Variants in RALGAPA1 observed in about 807,000 individuals in gnomAD.
The protein encoded by RALGAPA1 is Ral GTPase activating protein catalytic subunit alpha 1, also known as ral GTPase-activating protein subunit alpha-1.
In RALGAPA1, 52 loss-of-function variants were observed where a neutral mutation model predicts 269.6. The observed-to-expected ratio is 0.19, with a 90% confidence interval of 0.15 to 0.24. The LOEUF (loss-of-function observed/expected upper bound fraction) is 0.24. Ranked by LOEUF, RALGAPA1 falls within the 10% of genes least tolerant of loss-of-function variation. RALGAPA1 has a pLI of 1.00. For synonymous variants in RALGAPA1, 817 were observed against 1,008.3 expected, an observed-to-expected ratio of 0.81 and a Z score of 3.60; for missense variants, 1,917 against 3,013.9, an observed-to-expected ratio of 0.64 and a Z score of 8.52.
intron 16 of RALGAPA1, among the ~76,000 whole-genome samples, chr14:35,714,112 T>C (rs933921558): frequency 1.3e-5 from 2 of 150,174 alleles, no homozygotes; most frequent in Non-Finnish European, 3.0e-5. Flanking sequence ...AAAAAAAAAA[T>C]TGATGAGAGC....
At chr14:35,610,053 A>T (rs1239661215) in intron 35 of RALGAPA1, among the ~76,000 whole-genome samples, 1 of 151,932 alleles carries the variant, frequency 6.6e-6, no homozygotes, top group Non-Finnish European at 1.5e-5. Context: ...TAGAGAAAAA[A>T]ATCAATGAAC....
chr14:35,784,175 T>C (rs2075646693), intron 1 of RALGAPA1, among the ~76,000 whole-genome samples: 1 of 152,000 alleles, frequency 6.6e-6, no homozygotes, highest in Non-Finnish European at 1.5e-5. Context: ...ACACAAATGT[T>C]TATAATGTTA....
rs752688782 is a variant in RALGAPA1, at chr14:35,549,133, T to C, written c.7598A>G (p.Tyr2533Cys). The change falls in exon 40 of 42, where the codon TAC becomes TGC. Residue 2533 changes from tyrosine to cysteine, a missense_variant. Physicochemically the swap from Tyr to Cys is radical, Grantham distance 194. Around this residue, in one of 11 missense-constraint regions of RALGAPA1, gnomAD observed 91 missense variants for 130.9 expected, o/e 0.70. Transcript: ENST00000680220. ...FAAQVFSPAP[Y>C]HHLPSDADH Reference sequence around the variant, plus strand: ...ACCGGCATCAGATGGTAAATGGTGGTAGGGAGCTGGAGAAAAAACCTGTGC... The same window carrying C: ...ACCGGCATCAGATGGTAAATGGTGGCAGGGAGCTGGAGAAAAAACCTGTGC... 6 of 1,611,670 alleles carry C rather than the reference T, an allele frequency of 3.7e-6. No homozygotes were observed. The highest frequency in any genetic ancestry group is 2.1e-4 in the Middle Eastern group (1 of 4,778).
At chr14:35,748,869 T>C (rs762941958) in intron 9 of RALGAPA1, 45 bp from the exon 10 acceptor site, 2 of 1,529,444 alleles carry the variant, frequency 1.3e-6, no homozygotes, top group Admixed American at 2.2e-5. Flanking sequence ...AATATCATAA[T>C]CATTTAACTA....
intron 37 of RALGAPA1, among the ~76,000 whole-genome samples, chr14:35,577,292 G>A (rs1039845472): frequency 5.9e-5 from 9 of 152,026 alleles, no homozygotes; most frequent in African/African-American, 1.9e-4. Flanking sequence ...AATTCATATT[G>A]TGAAATCCTA....
Position 35,651,864 on chromosome 14 carries a change from C to A in RALGAPA1, c.5617G>T (p.Ala1873Ser), listed in dbSNP as rs934211001. ...SPLKIIQILI[A>S]TITHLLPSTE... ...CTTGGTAAAAGATGGGTGATGGTAG[C>A]TATTAGGATCTGTAAGCAAAAAAAA... The change falls in exon 31 of 42, where the codon GCT becomes TCT. Residue 1873 changes from alanine (A) to serine (S), a missense_variant. This residue lies in a region of RALGAPA1 where 346 missense variants were observed against 566.1 expected (regional missense o/e 0.61). Transcript: ENST00000680220. 4.4e-6 allele frequency: 7 copies of A among 1,578,910 alleles called. No individual in the cohort carries two copies. Among genetic ancestry groups the A allele is most frequent in the Middle Eastern group, 1.7e-4 (1 of 5,976 alleles).
chr14:35,715,902 G>A (rs2068776327), intron 16 of RALGAPA1: 1 of 985,126 alleles, frequency 1.0e-6, no homozygotes, highest in Non-Finnish European at 1.2e-6. Flanking sequence ...GTTTTATTTT[G>A]GTCAAGGAAA....
chr14:35,614,080 G>A (rs180999918), intron 35 of RALGAPA1, among the ~76,000 whole-genome samples: 3 of 152,194 alleles, frequency 2.0e-5, no homozygotes, highest in Admixed American at 1.3e-4. Context: ...TGACAATAAC[G>A]AGTGTAGGCT....
intron 35 of RALGAPA1, among the ~76,000 whole-genome samples, chr14:35,620,569 A>C (rs2060551515): frequency 6.6e-6 from 1 of 152,154 alleles, no homozygotes; most frequent in South Asian, 2.1e-4. Flanking sequence ...AGGAAGTCAA[A>C]TTGTTCCTAT....
rs183363399 is a variant in RALGAPA1 at position 35,579,154 on chromosome 14, A to G, written c.7210-6436T>C. 2.4e-3 allele frequency among the ~76,000 whole-genome samples: 363 copies of G among 152,294 alleles called. 5 individuals are homozygous for G. Among genetic ancestry groups the G allele is most frequent in the Non-Finnish European group, 1.9e-3 (129 of 68,020 alleles). On this transcript the variant is annotated intron_variant, in intron 37 of 41. Transcript: ENST00000680220. ...GATAATGTGGAGAAAAAACATTTCA[A>G]ACTGAGAGAGTAGTAAGTGTACACA...
intron 33 of RALGAPA1, among the ~76,000 whole-genome samples, chr14:35,633,560 G>A (rs146530905): frequency 5.9e-5 from 9 of 152,192 alleles, no homozygotes; most frequent in Non-Finnish European, 1.3e-4. Flanking sequence ...TGTGAGCCAC[G>A]CAATCTCTAC....
chr14:35,669,945 A>C (rs1185005490), intron 26 of RALGAPA1, among the ~76,000 whole-genome samples: 2 of 152,238 alleles, frequency 1.3e-5, no homozygotes, highest in African/African-American at 2.4e-5. Flanking sequence ...TAACTGACCA[A>C]GCATGGTGCT....
intron 1 of RALGAPA1, among the ~76,000 whole-genome samples, chr14:35,786,591 T>C (rs963675083): frequency 2.1e-4 from 32 of 151,920 alleles, no homozygotes; most frequent in Non-Finnish European, 3.7e-4. Context: ...TGAGCCGGGA[T>C]CACACCACTG....
intron 17 of RALGAPA1, among the ~76,000 whole-genome samples, chr14:35,693,748 TAG>T (rs1410535065): frequency 6.6e-6 from 1 of 151,728 alleles, no homozygotes; most frequent in Non-Finnish European, 1.5e-5. Context: ...AATTTAAATT[TAG>T]AGTTTAAAAA....
At chr14:35,647,728 G>A (rs2062536895) in intron 31 of RALGAPA1, among the ~76,000 whole-genome samples, 1 of 151,992 alleles carries the variant, frequency 6.6e-6, no homozygotes, top group South Asian at 2.1e-4. Flanking sequence ...CCAGGCAGGT[G>A]GATCACCTGA....
intron 36 of RALGAPA1, among the ~76,000 whole-genome samples, chr14:35,597,176 T>G (rs2058977043): frequency 6.6e-6 from 1 of 152,180 alleles, no homozygotes; most frequent in Non-Finnish European, 1.5e-5. Flanking sequence ...GGACAAATAG[T>G]TAAACGTGAA....
intron 3 of RALGAPA1, among the ~76,000 whole-genome samples, chr14:35,771,476 T>C (rs1237115895): frequency 1.3e-5 from 2 of 152,148 alleles, no homozygotes; most frequent in Non-Finnish European, 2.9e-5. Flanking sequence ...TTGACATTAT[T>C]TTAGCACTGG....
chr14:35,768,741 G>T (rs2141460378), intron 4 of RALGAPA1, among the ~76,000 whole-genome samples: 1 of 151,948 alleles, frequency 6.6e-6, no homozygotes, highest in African/African-American at 2.4e-5. Context: ...GGGCACAGTG[G>T]CTCACGTCTT....
At chr14:35,779,912 A>G (rs537375728) in intron 1 of RALGAPA1, among the ~76,000 whole-genome samples, 3 of 152,270 alleles carry the variant, frequency 2.0e-5, no homozygotes, top group Admixed American at 6.5e-5. Flanking sequence ...TCATGAGGTT[A>G]AGAGATTGAG....
Sources: allele counts gnomAD v4.1 joint callset (sites outside exome capture counted in the v4.1 genomes callset), GRCh38; gene constraint gnomAD v4.1.1; regional missense constraint gnomAD v4.1.1; transcripts MANE v1.5; gene names NCBI Gene and HGNC (gene_info 2026-07-23, HGNC 2026-07-21).